The following FIRRM variants were observed in gnomAD, a reference collection of about 807,000 sequenced individuals.
The protein encoded by FIRRM is FIGNL1-interacting regulator of recombination and mitosis.
chr1:169,798,129 G>A, the FIRRM span, among the ~76,000 whole-genome samples: 2 of 152,166 alleles, frequency 1.3e-5, no homozygotes, highest in African/African-American at 2.4e-5. Context: ...GAAATCGGAA[G>A]TACAAACTGG....
the FIRRM span, chr1:169,852,614 C>T: frequency 4.7e-6 from 3 of 634,740 alleles, no homozygotes; most frequent in Non-Finnish European, 8.1e-6. Context: ...TATGATAAAC[C>T]AAAATGCCTT....
chr1:169,852,282 C>G, the FIRRM span: 111 of 320,652 alleles, frequency 3.5e-4, no homozygotes, highest in Admixed American at 4.8e-4. Context: ...CCTTATTAAT[C>G]AAATGAGTCT....
chr1:169,839,083 C>T, the FIRRM span, among the ~76,000 whole-genome samples: 3 of 152,272 alleles, frequency 2.0e-5, no homozygotes, highest in African/African-American at 4.8e-5. Context: ...TGTCTAGCCG[C>T]TCTCTGTTGC....
the FIRRM span, among the ~76,000 whole-genome samples, chr1:169,796,498 C>T: frequency 1.3e-5 from 2 of 152,220 alleles, no homozygotes; most frequent in African/African-American, 4.8e-5. Context: ...ACCTTGAATC[C>T]TCTCTGTCTC....
chr1:169,852,998 T>C, the FIRRM span: 1 of 1,602,456 alleles, frequency 6.2e-7, no homozygotes, highest in Non-Finnish European at 8.5e-7. Flanking sequence ...AACTTATCAC[T>C]AGGCAGAACT....
chr1:169,848,165 C>T, the FIRRM span, among the ~76,000 whole-genome samples: 1 of 151,950 alleles, frequency 6.6e-6, no homozygotes, highest in African/African-American at 2.4e-5. Flanking sequence ...GTTTTTTATC[C>T]ATGAAAGAGA....
the FIRRM span, chr1:169,793,004 A>G: frequency 6.2e-7 from 1 of 1,614,088 alleles, no homozygotes; most frequent in African/African-American, 1.3e-5. Flanking sequence ...GTTAGCTACT[A>G]CATTAGGTAA....
chr1:169,827,012 AG>A, the FIRRM span: 15 of 1,590,076 alleles, frequency 9.4e-6, no homozygotes, highest in Non-Finnish European at 1.3e-5. Context: ...ATTAGAAGAT[AG>A]CTATTAATGA....
chr1:169,827,963 T>C, the FIRRM span: 2 of 1,004,056 alleles, frequency 2.0e-6, no homozygotes, highest in South Asian at 1.6e-5. Flanking sequence ...TTAATAGTTA[T>C]TGTGTAGACA....
chr1:169,807,767 ATTC>A, the FIRRM span: 5 of 1,551,698 alleles, frequency 3.2e-6, no homozygotes, highest in Non-Finnish European at 3.5e-6. Flanking sequence ...TGGTGATTGT[ATTC>A]TTTTCTTTTT....
chr1:169,819,607 T>C, the FIRRM span, among the ~76,000 whole-genome samples: 1 of 152,214 alleles, frequency 6.6e-6, no homozygotes, highest in Non-Finnish European at 1.5e-5. Flanking sequence ...TGTTTTCCGA[T>C]GGAGTCCCAG....
At chr1:169,843,913 A>G in the FIRRM span, 11 of 610,532 alleles carry the variant, frequency 1.8e-5, no homozygotes, top group Non-Finnish European at 2.9e-5. Context: ...AGGATATCTC[A>G]TTTCTCTTTC....
the FIRRM span, chr1:169,842,683 T>C: frequency 1.1e-6 from 1 of 890,218 alleles, no homozygotes; most frequent in Non-Finnish European, 1.7e-6. Context: ...TTAAAGTACC[T>C]GTACTCTCTC....
chr1:169,815,120 A>G, the FIRRM span, among the ~76,000 whole-genome samples: 1 of 151,638 alleles, frequency 6.6e-6, no homozygotes, highest in South Asian at 2.1e-4. Flanking sequence ...ACGTGGTAAA[A>G]CCCCATCTCT....
the FIRRM span, chr1:169,851,726 G>A: frequency 2.7e-6 from 4 of 1,504,618 alleles, no homozygotes; most frequent in South Asian, 5.2e-5. Flanking sequence ...TAGTATGGTT[G>A]AACACTCAGC....
At chr1:169,845,709 G>T in the FIRRM span, among the ~76,000 whole-genome samples, 1 of 152,060 alleles carries the variant, frequency 6.6e-6, no homozygotes, top group African/African-American at 2.4e-5. Flanking sequence ...TCATGAGATT[G>T]CAGCAATTCA....
At chr1:169,845,407 A>G in the FIRRM span, among the ~76,000 whole-genome samples, 28,262 of 152,114 alleles carry the variant, frequency 0.19, 2,786 homozygotes, top group South Asian at 0.27. Context: ...GCAATTTCTT[A>G]AAATACGACA....
At chr1:169,803,996 CTA>C in the FIRRM span, 7 of 902,690 alleles carry the variant, frequency 7.8e-6, no homozygotes, top group Middle Eastern at 3.3e-4. Flanking sequence ...TTTATGATCT[CTA>C]ATAGTATGAA....
At chr1:169,816,979 CAA>C in the FIRRM span, among the ~76,000 whole-genome samples, 1 of 152,090 alleles carries the variant, frequency 6.6e-6, no homozygotes, top group Non-Finnish European at 1.5e-5. Context: ...AAATCAGAAA[CAA>C]ATATGCTCCA....
Sources: allele counts gnomAD v4.1 joint callset (sites outside exome capture counted in the v4.1 genomes callset), GRCh38; gene constraint gnomAD v4.1.1; transcripts MANE v1.5; gene names NCBI Gene and HGNC (gene_info 2026-07-23, HGNC 2026-07-21).